Variants in SUCLA2 observed in about 807,000 individuals in gnomAD.
SUCLA2 encodes succinate--CoA ligase [ADP-forming] subunit beta, mitochondrial.
A neutral mutation model predicts 54.8 loss-of-function variants in SUCLA2; 30 were observed. The ratio of observed to expected loss-of-function variants is 0.55; its 90% CI spans 0.41 to 0.74. The LOEUF is 0.74. SUCLA2 is among the 30% of genes least tolerant of loss of function. The pLI is 0.00. For missense variants in SUCLA2, 476 were observed against 562.9 expected (o/e 0.85, Z 1.56); for synonymous variants, 172 against 188.9 (o/e 0.91, Z 0.74).
intron 2 of SUCLA2, among the ~76,000 whole-genome samples, chr13:47,993,025 G>C (rs1950161579): frequency 6.6e-6 from 1 of 152,182 alleles, no homozygotes; most frequent in Non-Finnish European, 1.5e-5. Context: ...GAGCCCCGGA[G>C]TTTGAGACCA....
Position 47,943,455 on chromosome 13 carries a change from A to C in SUCLA2, c.1318-10T>G. 2 of 1,613,626 alleles carry C rather than the reference A, an allele frequency of 1.2e-6. No homozygotes were observed. Among genetic ancestry groups the C allele is most frequent in the South Asian group, 2.2e-5 (2 of 91,072 alleles). On this transcript the variant is annotated splice_polypyrimidine_tract_variant and intron_variant, in intron 10 of 10. Transcript: ENST00000646932. Reference sequence around the variant, plus strand: ...CAGAGAGCTTTACAACCTAAAAGAAAAGAACGAAGAATTTTCACAAAAAGG... The same window carrying C: ...CAGAGAGCTTTACAACCTAAAAGAACAGAACGAAGAATTTTCACAAAAAGG...
chr13:47,954,555 A>G lies in SUCLA2; in HGVS notation c.805T>C (p.Leu269=), dbSNP rs1361985555. 1.9e-6 allele frequency: 3 copies of G among 1,613,540 alleles called. No individual in the cohort carries two copies. The highest frequency in any genetic ancestry group is 2.7e-5 in the African/African-American group (2 of 75,026). Residue 269 remains leucine, a splice_region_variant and synonymous_variant, in exon 7 of 11, where the codon TTG becomes CTG. Transcript: ENST00000646932. Reference sequence around the variant, plus strand: ...AAATTGATCTTTGCATCCATACACAATACTTTGAAGGGAAAAAGAGAAAAA... The same window carrying G: ...AAATTGATCTTTGCATCCATACACAGTACTTTGAAGGGAAAAAGAGAAAAA... ...PMVEDSDGAV[L]CMDAKINFDS... is the part of the protein sequence containing the mutation.
intron 5 of SUCLA2, among the ~76,000 whole-genome samples, chr13:47,969,818 T>C (rs1431288554): frequency 1.3e-5 from 2 of 152,204 alleles, no homozygotes; most frequent in East Asian, 3.9e-4. Flanking sequence ...CTAAACAATG[T>C]AGGCTGGGCG....
chr13:47,987,781 TC>T (rs772076974), intron 4 of SUCLA2: 1 of 152,118 alleles, frequency 6.6e-6, no homozygotes, highest in Non-Finnish European at 1.5e-5. Flanking sequence ...CAATTAATGT[TC>T]TACATGAAAT....
At chr13:47,988,806 T>C in intron 3 of SUCLA2, 76 bp downstream of exon 3, 2 of 1,592,476 alleles carry the variant, frequency 1.3e-6, no homozygotes, top group South Asian at 2.2e-5. Context: ...TAAATTTCAG[T>C]ATTTTCATCA....
rs1949800529 is a variant in SUCLA2, at chr13:47,954,259, C to G, written c.988G>C (p.Ala330Pro). 6.2e-7 allele frequency: 1 copy of G among 1,613,724 alleles called. No individual in the cohort carries two copies. Among genetic ancestry groups the G allele is most frequent in the Admixed American group, 1.7e-5 (1 of 59,962 alleles). Reference sequence around the variant, plus strand: ...TGAAGTTTTATTATATCCATTGTGGCCATAGCCAAACCAGCACCATTTACT... The same window carrying G: ...TGAAGTTTTATTATATCCATTGTGGGCATAGCCAAACCAGCACCATTTACT... ...CLVNGAGLAMATMDIIKLHGG... is the reference protein window; with the variant it reads ...CLVNGAGLAMPTMDIIKLHGG... Residue 330 changes from alanine (A) to proline (P), a missense_variant, in exon 8 of 11, where the codon GCC becomes CCC. By Grantham distance (27) the Ala-to-Pro change is conservative (BLOSUM62 -1). This residue lies in a region of SUCLA2 where 342 missense variants were observed against 444.2 expected (regional missense o/e 0.77). Coordinates refer to ENST00000646932, the MANE Select transcript of SUCLA2 (RefSeq NM_003850.3).
intron 2 of SUCLA2, among the ~76,000 whole-genome samples, chr13:47,994,069 AAAAG>A (rs1950172229): frequency 6.6e-6 from 1 of 151,726 alleles, no homozygotes; most frequent in Non-Finnish European, 1.5e-5. Context: ...AAAAAAAAAA[AAAAG>A]AGTTTTTATG....
chr13:47,949,847 C>T (rs745906863), intron 8 of SUCLA2, among the ~76,000 whole-genome samples: 2 of 152,166 alleles, frequency 1.3e-5, no homozygotes, highest in Non-Finnish European at 1.5e-5. Flanking sequence ...CTACTATATC[C>T]CATATGAACA....
At chr13:47,961,285 G>A (rs952921790) in intron 6 of SUCLA2, among the ~76,000 whole-genome samples, 3 of 152,022 alleles carry the variant, frequency 2.0e-5, no homozygotes, top group African/African-American at 7.2e-5. Flanking sequence ...AAATGGAGTG[G>A]GGGGGGCCAG....
At chr13:47,944,921 G>A (rs1426750973) in intron 10 of SUCLA2, among the ~76,000 whole-genome samples, 1 of 151,962 alleles carries the variant, frequency 6.6e-6, no homozygotes, top group African/African-American at 2.4e-5. Flanking sequence ...TCTGGAGTTC[G>A]AGACCAGCCT....
At chr13:47,945,778 T>C (rs1017282540) in intron 10 of SUCLA2, 1 of 151,696 alleles carries the variant, frequency 6.6e-6, no homozygotes, top group African/African-American at 2.4e-5. Flanking sequence ...ATTCCAGAAA[T>C]AAAAAAGTCA....
intron 4 of SUCLA2, among the ~76,000 whole-genome samples, 196 bp from the exon 5 acceptor site, chr13:47,973,588 A>C (rs976901167): frequency 6.6e-6 from 1 of 152,222 alleles, no homozygotes; most frequent in Non-Finnish European, 1.5e-5. Flanking sequence ...GCAATGGATA[A>C]AAAAGTAAAA....
At chr13:47,945,608 T>C (rs1949723503) in intron 10 of SUCLA2, 1 of 150,244 alleles carries the variant, frequency 6.7e-6, no homozygotes, top group Non-Finnish European at 1.5e-5. Context: ...AGAAACAAAG[T>C]ATAGATTACC....
chr13:47,955,146 A>G (rs982302815), intron 6 of SUCLA2, among the ~76,000 whole-genome samples: 14 of 151,936 alleles, frequency 9.2e-5, no homozygotes, highest in African/African-American at 3.1e-4. Flanking sequence ...GTTTCTGGGG[A>G]AAAAAAAGAA....
Position 48,001,234 on chromosome 13 carries a change from G to A in SUCLA2, c.36C>T (p.Ala12=), listed in dbSNP as rs771793708. 2 of 1,606,100 alleles carry A rather than the reference G, an allele frequency of 1.2e-6. No homozygotes were observed. Among genetic ancestry groups the A allele is most frequent in the South Asian group, 2.2e-5 (2 of 89,914 alleles). ...GCCGGTGGTTCCGAAGGGTGGCCAC[G>A]GCCACTAGCCTGCCGTAGAACATGG... ...AASMFYGRLV[A]VATLRNHRPR... Residue 12 remains alanine, a synonymous_variant, in exon 1 of 11, where the codon GCC becomes GCT. Transcript: ENST00000646932.
intron 2 of SUCLA2, among the ~76,000 whole-genome samples, chr13:47,995,443 GA>G (rs1314695214): frequency 1.2e-4 from 19 of 152,114 alleles, no homozygotes; most frequent in African/African-American, 4.3e-4. Flanking sequence ...AACTATAAAT[GA>G]AAAATCATGC....
At chr13:47,943,772 A>ATATATATATATATATG (rs1949707361) in intron 10 of SUCLA2, among the ~76,000 whole-genome samples, 5 of 147,614 alleles carry the variant, frequency 3.4e-5, no homozygotes, top group African/African-American at 1.2e-4. Context: ...GTGTGTATAT[A>ATATATATATATATATG]TATATATATT....
chr13:47,995,038 G>A (rs1950179911), intron 2 of SUCLA2: 1 of 194,036 alleles, frequency 5.2e-6, no homozygotes, highest in South Asian at 1.8e-4. Context: ...AAAATATACG[G>A]AAAACTAGTT....
intron 4 of SUCLA2, among the ~76,000 whole-genome samples, chr13:47,986,029 G>GTTTTTTTTTTTTTTTTTTT (rs36000556): frequency 8.2e-6 from 1 of 122,230 alleles, no homozygotes; most frequent in Non-Finnish European, 1.6e-5. Context: ...CATATGTATA[G>GTTTTTTTTTTTTTTTTTTT]TTTTTTTTTT....
Sources: gnomAD v4.1 joint callset for allele counts (sites outside exome capture counted in the v4.1 genomes callset) on GRCh38, gnomAD v4.1.1 for gene constraint, gnomAD v4.1.1 regional missense constraint, MANE v1.5 for transcripts, NCBI Gene and HGNC (gene_info 2026-07-23, HGNC 2026-07-21) for gene names.